CCDC93: variants seen among roughly 807,000 people sequenced by gnomAD.
CCDC93 encodes the protein CCC complex scaffolding subunit CCDC93.
Under a neutral mutation model 108.2 loss-of-function variants are expected in CCDC93, and 61 were observed. The observed-to-expected ratio is 0.56, with a 90% CI of 0.46 to 0.70. CCDC93 has a LOEUF of 0.70. Among genes scored for constraint, CCDC93 ranks in the 30% least tolerant of loss-of-function variants. CCDC93 has a pLI of 0.00. For synonymous variants in CCDC93, 276 were observed against 260.4 expected (o/e 1.06, Z -0.58); for missense variants, 685 against 764.2 (o/e 0.90, Z 1.22).
chr2:117,986,107 A>C, intron 6 of CCDC93, 38 bp from the exon 7 acceptor site: 2 of 1,269,456 alleles, frequency 1.6e-6, no homozygotes, highest in Non-Finnish European at 2.3e-6. Context: ...GAGTGTGAGA[A>C]GGCTCTCCTC....
At chr2:117,935,266 T>TGG (rs771306243) in intron 22 of CCDC93, among the ~76,000 whole-genome samples, 65 of 152,312 alleles carry the variant, frequency 4.3e-4, no homozygotes, top group Middle Eastern at 6.8e-3. Flanking sequence ...GTTCAATACC[T>TGG]GGGAGCTACT....
chr2:118,011,897 G>A lies in CCDC93; in HGVS notation c.42+2057C>T, dbSNP rs76524181. On this transcript the variant is annotated intron_variant, in intron 1 of 23. Transcript: ENST00000376300. ...ATTAACACTGAAATCAAATGGAAAAGGGCCACTGTCTGATCTGCTGGGAAT... is the reference window on the plus strand; with the variant it reads ...ATTAACACTGAAATCAAATGGAAAAAGGCCACTGTCTGATCTGCTGGGAAT... 4.7e-4 allele frequency among the ~76,000 whole-genome samples: 71 copies of A among 152,312 alleles called. No individual in the cohort carries two copies. The East Asian group carries it at 0.013, about 28-fold the overall frequency.
intron 12 of CCDC93, among the ~76,000 whole-genome samples, chr2:117,957,161 G>A (rs1051638254): frequency 6.6e-6 from 1 of 152,098 alleles, no homozygotes; most frequent in Non-Finnish European, 1.5e-5. Flanking sequence ...AAAGTGCTGG[G>A]ATTACAGGCG....
intron 14 of CCDC93, among the ~76,000 whole-genome samples, chr2:117,948,722 T>A (rs1232087861): frequency 6.6e-6 from 1 of 152,234 alleles, no homozygotes; most frequent in Admixed American, 6.5e-5. Flanking sequence ...GCTCATTCTG[T>A]GCCTGCAACT....
In CCDC93 at chr2:117,974,907, G is replaced by A; in HGVS notation, c.751-7C>T. On this transcript the variant is annotated splice_polypyrimidine_tract_variant and splice_region_variant and intron_variant, in intron 9 of 23. Coordinates refer to ENST00000376300, the MANE Select transcript of CCDC93 (RefSeq NM_019044.5). ...TCAGCGACTGAATACGCTGCTGAAA[G>A]AGGAATGGAAGGGAGCAGCAGTGAG... 1.3e-6 allele frequency: 2 copies of A among 1,560,412 alleles called. No individual in the cohort carries two copies. Among genetic ancestry groups the A allele is most frequent in the Non-Finnish European group, 1.7e-6 (2 of 1,151,268 alleles).
At chr2:117,935,741 T>C (rs1471756972) in intron 21 of CCDC93, 162 bp from the exon 22 acceptor site, 2 of 453,950 alleles carry the variant, frequency 4.4e-6, no homozygotes, top group African/African-American at 4.0e-5. Context: ...TCCCAGGCAA[T>C]TAAGGATGCT....
chr2:117,941,399 A>G (rs1678696499), intron 18 of CCDC93, 102 bp from the exon 19 acceptor site: 1 of 819,522 alleles, frequency 1.2e-6, no homozygotes, highest in East Asian at 2.6e-5. Flanking sequence ...GAGCCCAACC[A>G]TGCGCCCTAC....
chr2:117,953,399 G>A (rs1199026626), intron 12 of CCDC93, among the ~76,000 whole-genome samples: 1 of 152,174 alleles, frequency 6.6e-6, no homozygotes, highest in Non-Finnish European at 1.5e-5. Context: ...GAAGCAGGTG[G>A]GTTCTGGTGC....
At chr2:117,992,186 G>C (rs1263580545) in intron 6 of CCDC93, among the ~76,000 whole-genome samples, 1 of 152,156 alleles carries the variant, frequency 6.6e-6, no homozygotes, top group Non-Finnish European at 1.5e-5. Context: ...CATAAAAAAG[G>C]AAATAAACTA....
At chr2:117,942,147 C>T (rs992569639) in intron 18 of CCDC93, among the ~76,000 whole-genome samples, 8 of 152,180 alleles carry the variant, frequency 5.3e-5, no homozygotes, top group African/African-American at 1.9e-4. Flanking sequence ...GTATTTCTCC[C>T]TTAGGCCAAG....
chr2:117,947,777 T>C (rs1678920310), intron 15 of CCDC93, among the ~76,000 whole-genome samples: 1 of 148,744 alleles, frequency 6.7e-6, no homozygotes. Context: ...CACTGCAAGC[T>C]CTGCCTCCCA....
chr2:117,948,293 T>C, intron 14 of CCDC93, 107 bp from the exon 15 acceptor site: 2 of 732,694 alleles, frequency 2.7e-6, no homozygotes, highest in Non-Finnish European at 2.3e-6. Context: ...TTTAATTTCC[T>C]TTCTCAGCTC....
At chr2:117,979,800 T>C (rs1231720563) in intron 7 of CCDC93, among the ~76,000 whole-genome samples, 5 of 152,214 alleles carry the variant, frequency 3.3e-5, no homozygotes, top group African/African-American at 1.2e-4. Flanking sequence ...TGGCTTAATA[T>C]CTATTGCATC....
At chr2:117,922,435 T>A (rs187023041) in intron 23 of CCDC93, among the ~76,000 whole-genome samples, 4 of 152,316 alleles carry the variant, frequency 2.6e-5, no homozygotes, top group Non-Finnish European at 5.9e-5. Flanking sequence ...GACAGAGAGC[T>A]AAGTTCACTC....
At chr2:117,948,630 T>G (rs781090985) in intron 14 of CCDC93, among the ~76,000 whole-genome samples, 2 of 152,238 alleles carry the variant, frequency 1.3e-5, no homozygotes, top group Non-Finnish European at 2.9e-5. Context: ...CTTTGCTCCA[T>G]TTCATGAAAC....
At chr2:117,956,139 C>A (rs1679208246) in intron 12 of CCDC93, among the ~76,000 whole-genome samples, 1 of 152,196 alleles carries the variant, frequency 6.6e-6, no homozygotes, top group Admixed American at 6.5e-5. Flanking sequence ...GTTGGCCTAG[C>A]TACATGGTCA....
At chr2:117,930,186 G>A (rs911426925) in intron 23 of CCDC93, among the ~76,000 whole-genome samples, 5 of 152,194 alleles carry the variant, frequency 3.3e-5, no homozygotes, top group Non-Finnish European at 7.3e-5. Flanking sequence ...AAAATTATGA[G>A]CATGGAAAGA....
Position 117,958,381 on chromosome 2 carries a change from G to T in CCDC93, c.989C>A (p.Thr330Asn). ...AACACTGACCTCTTCAAGATGTTTG[G>T]TCTTTTGCGCAATCTGTTTGTTCAA... is the stretch of plus-strand genomic sequence containing the variant. ...ISLNKQIAQKTKHLEELRASH... is the reference protein window; with the variant it reads ...ISLNKQIAQKNKHLEELRASH... The change falls in exon 12 of 24, where the codon ACC becomes AAC. Residue 330 changes from threonine (T) to asparagine (N), a missense_variant. By Grantham distance (65) the Thr-to-Asn change is moderately conservative. Coordinates refer to ENST00000376300, the MANE Select transcript of CCDC93 (RefSeq NM_019044.5). 1 of 1,606,166 alleles carries T rather than the reference G, an allele frequency of 6.2e-7. No homozygotes were observed. Among genetic ancestry groups the T allele is most frequent in the Non-Finnish European group, 8.5e-7 (1 of 1,172,728 alleles).
chr2:117,931,199 A>G, intron 22 of CCDC93, 49 bp from the exon 23 acceptor site: 1 of 1,327,008 alleles, frequency 7.5e-7, no homozygotes, highest in Non-Finnish European at 1.1e-6. Flanking sequence ...GTTCTGCCCA[A>G]GGGCTACTGG....
Sources: gnomAD v4.1 joint callset for allele counts (sites outside exome capture counted in the v4.1 genomes callset) on GRCh38, gnomAD v4.1.1 for gene constraint, MANE v1.5 for transcripts, NCBI Gene and HGNC (gene_info 2026-07-23, HGNC 2026-07-21) for gene names.